The following CPEB3 variants were observed in gnomAD, a reference collection of about 807,000 sequenced individuals.
CPEB3 encodes cytoplasmic polyadenylation element binding protein 3.
Under a neutral mutation model 67.2 loss-of-function variants are expected in CPEB3, and 20 were observed. The ratio of observed to expected loss-of-function variants is 0.30; its 90% CI spans 0.21 to 0.43. The LOEUF is 0.43. Among genes scored for constraint, CPEB3 ranks in the 20% least tolerant of loss-of-function variants. The pLI is 1.00. For synonymous variants in CPEB3, 376 were observed against 393.1 expected (o/e 0.96, Z 0.51); for missense variants, 746 against 968.6 (o/e 0.77, Z 3.05).
At chr10:92,100,776 A>G (rs1454986980) in intron 7 of CPEB3, among the ~76,000 whole-genome samples, 2 of 152,038 alleles carry the variant, frequency 1.3e-5, no homozygotes, top group Non-Finnish European at 2.9e-5. Context: ...TATTTTTAGT[A>G]GAGAAGGGGT....
intron 2 of CPEB3, among the ~76,000 whole-genome samples, chr10:92,206,673 CTT>C (rs1277117696): frequency 1.3e-5 from 2 of 151,912 alleles, no homozygotes; most frequent in Non-Finnish European, 2.9e-5. Flanking sequence ...TTCTATGAAA[CTT>C]GGGGAATATA....
At chr10:92,291,151 G>C, upstream of CPEB3, 2 of 414,302 alleles carry the variant, frequency 4.8e-6, no homozygotes, top group Non-Finnish European at 8.7e-6. Flanking sequence ...TGGCGCGCAC[G>C]GAGGCGGCGA....
intron 6 of CPEB3, among the ~76,000 whole-genome samples, chr10:92,131,266 C>A (rs1845831311): frequency 6.6e-6 from 1 of 152,138 alleles, no homozygotes. Context: ...AATGAGGGCA[C>A]CAGCACTAAT....
chr10:92,252,314 C>A (rs1590538389), intron 1 of CPEB3, among the ~76,000 whole-genome samples: 1 of 152,140 alleles, frequency 6.6e-6, no homozygotes, highest in East Asian at 1.9e-4. Context: ...TTAAGCAACC[C>A]ATTTTTCAAA....
chr10:92,240,306 C>T lies in CPEB3; in HGVS notation c.45G>A (p.Gln15=), dbSNP rs1851784349. The change falls in exon 2 of 10, where the codon CAG becomes CAA. Residue 15 remains glutamine, a synonymous_variant. Coordinates refer to ENST00000265997, the MANE Select transcript of CPEB3 (RefSeq NM_014912.5). ...GCTGCTGCCGCTGCTGCTGCTGGGG[C>T]TGGGGCTGGGTTTTGCTTTTGTCCA... ...LLMDKSKTQP[Q]PQQQQRQQQQ... The T allele has an allele frequency of 1.3e-6, 2 of 1,510,266 alleles. No homozygotes were observed. The highest frequency in any genetic ancestry group is 8.9e-7 in the Non-Finnish European group (1 of 1,128,924). The allele number at this position is 1,510,266 out of a possible 1,614,324, so 93.6% of individuals were successfully genotyped here.
intron 2 of CPEB3, among the ~76,000 whole-genome samples, chr10:92,208,590 TTTTTC>T (rs1330073429): frequency 1.3e-5 from 2 of 150,134 alleles, no homozygotes; most frequent in African/African-American, 5.0e-5. Flanking sequence ...GCCCTTTTTT[TTTTTC>T]TTTCTTTTTT....
Position 92,270,038 on chromosome 10 carries a change from TGG to T in CPEB3, c.-12+20886_-12+20887del, listed in dbSNP as rs1000912885. ...AATTTTATCAAGTTGTTATGGGGGGTGGGGGGGAAGGTAAGAGGATGCTCATG... is the reference window on the plus strand; with the variant it reads ...AATTTTATCAAGTTGTTATGGGGGGTGGGGGAAGGTAAGAGGATGCTCATG... On this transcript the variant is annotated intron_variant, in intron 1 of 9. Transcript: ENST00000265997. Among the ~76,000 whole-genome samples, 6 of 39,986 alleles carry T rather than the reference TGG, an allele frequency of 1.5e-4. No homozygotes were observed. The East Asian group carries it at 4.2e-3, about 28-fold the overall frequency. The allele number at this position is 39,986 out of a possible 152,430, so 26.2% of individuals were successfully genotyped here. A position where few individuals can be genotyped will look rare whatever the true frequency, so the allele number is the denominator to read the frequency against.
chr10:92,079,003 G>C (rs1843039620), intron 9 of CPEB3, among the ~76,000 whole-genome samples: 1 of 152,064 alleles, frequency 6.6e-6, no homozygotes, highest in Non-Finnish European at 1.5e-5. Flanking sequence ...GCCTCCTCCA[G>C]GTTTTATTAT....
chr10:92,198,732 T>C (rs905597356), intron 2 of CPEB3, among the ~76,000 whole-genome samples: 2 of 152,204 alleles, frequency 1.3e-5, no homozygotes, highest in Non-Finnish European at 2.9e-5. Flanking sequence ...TCCATTTCAC[T>C]GAGGAAAACT....
At chr10:92,260,337 G>A (rs1852734759) in intron 1 of CPEB3, among the ~76,000 whole-genome samples, 1 of 152,104 alleles carries the variant, frequency 6.6e-6, no homozygotes, top group East Asian at 1.9e-4. Flanking sequence ...GATCACCTGA[G>A]GTCAGGAGCT....
At chr10:92,244,968 T>C (rs1851999915) in intron 1 of CPEB3, among the ~76,000 whole-genome samples, 1 of 152,180 alleles carries the variant, frequency 6.6e-6, no homozygotes, top group East Asian at 1.9e-4. Flanking sequence ...ACTATGCTGA[T>C]TGAACTTGTA....
At chr10:92,266,389 A>G (rs944185747) in intron 1 of CPEB3, among the ~76,000 whole-genome samples, 1 of 152,164 alleles carries the variant, frequency 6.6e-6, no homozygotes, top group Non-Finnish European at 1.5e-5. Flanking sequence ...GCTTCTTTCT[A>G]AAGTCACTGC....
intron 2 of CPEB3, among the ~76,000 whole-genome samples, chr10:92,223,541 C>T (rs1850799658): frequency 6.6e-6 from 1 of 151,026 alleles, no homozygotes; most frequent in Non-Finnish European, 1.5e-5. Context: ...ATCACCAAGT[C>T]CTTCCAGGTG....
At chr10:92,199,532 A>C (rs549729069) in intron 2 of CPEB3, among the ~76,000 whole-genome samples, 1 of 151,980 alleles carries the variant, frequency 6.6e-6, no homozygotes, top group South Asian at 2.1e-4. Flanking sequence ...CTATACTAAA[A>C]AATTAGCTGG....
intron 1 of CPEB3, among the ~76,000 whole-genome samples, chr10:92,288,221 AG>A (rs1842625808): frequency 6.6e-6 from 1 of 152,076 alleles, no homozygotes; most frequent in African/African-American, 2.4e-5. Context: ...GCATTTTGGG[AG>A]GCCGAGGTGG....
chr10:92,224,494 C>T (rs566350551), intron 2 of CPEB3, among the ~76,000 whole-genome samples: 36 of 151,990 alleles, frequency 2.4e-4, no homozygotes, highest in Non-Finnish European at 4.7e-4. Flanking sequence ...TAACCCCTAC[C>T]CTAAATCTCT....
chr10:92,248,059 T>C (rs1852143771), intron 1 of CPEB3, among the ~76,000 whole-genome samples: 1 of 152,178 alleles, frequency 6.6e-6, no homozygotes, highest in Non-Finnish European at 1.5e-5. Flanking sequence ...CTGAGATACA[T>C]AGTTATTCCT....
chr10:92,139,389 A>G (rs1846280275), intron 6 of CPEB3, among the ~76,000 whole-genome samples: 1 of 152,172 alleles, frequency 6.6e-6, no homozygotes, highest in African/African-American at 2.4e-5. Flanking sequence ...ACATGGATGG[A>G]ACTGGAGGAC....
At chr10:92,222,264 C>T (rs886189445) in intron 2 of CPEB3, among the ~76,000 whole-genome samples, 5 of 151,310 alleles carry the variant, frequency 3.3e-5, no homozygotes, top group East Asian at 1.9e-4. Flanking sequence ...CTCGAACTAC[C>T]GAGTTCAAGC....
Sources: gnomAD v4.1 joint callset for allele counts (sites outside exome capture counted in the v4.1 genomes callset) on GRCh38, gnomAD v4.1.1 for gene constraint, MANE v1.5 for transcripts, NCBI Gene and HGNC (gene_info 2026-07-23, HGNC 2026-07-21) for gene names.